FIG4: variants seen among roughly 807,000 people sequenced by gnomAD.
The protein encoded by FIG4 is polyphosphoinositide phosphatase.
In FIG4, 112 loss-of-function variants were observed where a neutral mutation model predicts 118.6. That is an observed-to-expected ratio of 0.94 (90% confidence interval 0.81 to 1.11). FIG4 has a LOEUF of 1.11. Ranked by LOEUF, FIG4 falls within the 50% of genes least tolerant of loss-of-function variation. The probability of loss-of-function intolerance (pLI) is 0.00; values close to 1 mark genes in which losing one functional copy is unlikely to be tolerated. For synonymous variants in FIG4, 369 were observed against 381.2 expected (o/e 0.97, Z 0.37); for missense variants, 969 against 1,111.7 (o/e 0.87, Z 1.83).
At chr6:109,746,848 A>G (rs1776515832) in intron 10 of FIG4, among the ~76,000 whole-genome samples, 1 of 152,126 alleles carries the variant, frequency 6.6e-6, no homozygotes, top group African/African-American at 2.4e-5. Flanking sequence ...AGAGGTGATT[A>G]TGCCTTAAAC....
At chr6:109,757,584 T>C (rs1437593686) in intron 10 of FIG4, among the ~76,000 whole-genome samples, 1 of 152,152 alleles carries the variant, frequency 6.6e-6, no homozygotes, top group Non-Finnish European at 1.5e-5. Flanking sequence ...ACCACTCCTC[T>C]TCAACATGGT....
intron 2 of FIG4, among the ~76,000 whole-genome samples, chr6:109,715,979 A>G (rs1187592384): frequency 6.6e-6 from 1 of 152,208 alleles, no homozygotes; most frequent in Non-Finnish European, 1.5e-5. Flanking sequence ...CCTGGGGTCC[A>G]TTCTGCTCCC....
intron 15 of FIG4, among the ~76,000 whole-genome samples, chr6:109,770,571 A>G (rs546658400): frequency 4.9e-4 from 74 of 152,206 alleles, no homozygotes; most frequent in African/African-American, 1.8e-3. Flanking sequence ...GAATTGGCCC[A>G]TGATTTTGCA....
intron 17 of FIG4, chr6:109,785,636 T>G (rs1311488088): frequency 2.1e-6 from 1 of 470,218 alleles, no homozygotes; most frequent in East Asian, 6.9e-5. Context: ...CTAACTCCCC[T>G]GACCTTGAGC....
rs770313840 is a variant in FIG4, at chr6:109,735,142, G to T, written c.498-8G>T. Reference sequence around the variant, plus strand: ...GTAATTCTTATTAAGTTTCAATTCTGTTCTCAGTTACAGCTATGATTTGTC... The same window carrying T: ...GTAATTCTTATTAAGTTTCAATTCTTTTCTCAGTTACAGCTATGATTTGTC... On this transcript the variant is annotated splice_region_variant and splice_polypyrimidine_tract_variant and intron_variant, in intron 5 of 22. Transcript: ENST00000230124. 6.2e-7 allele frequency: 1 copy of T among 1,610,680 alleles called. No homozygotes were observed. Among genetic ancestry groups the T allele is most frequent in the Admixed American group, 1.7e-5 (1 of 59,928 alleles).
At chr6:109,784,625 C>CAGAGTAAGTA (rs1157772560) in intron 16 of FIG4, among the ~76,000 whole-genome samples, 1 of 152,208 alleles carries the variant, frequency 6.6e-6, no homozygotes, top group East Asian at 1.9e-4. Flanking sequence ...TCACTGTAGG[C>CAGAGTAAGTA]ACAGTCCCTG....
At chr6:109,782,477 G>C (rs576327447) in intron 16 of FIG4, among the ~76,000 whole-genome samples, 1 of 152,242 alleles carries the variant, frequency 6.6e-6, no homozygotes, top group East Asian at 1.9e-4. Context: ...TTATGGCCTG[G>C]TCTTAAATCA....
At chr6:109,703,956 C>T (rs1053431814) in intron 1 of FIG4, among the ~76,000 whole-genome samples, 3 of 152,220 alleles carry the variant, frequency 2.0e-5, no homozygotes, top group Non-Finnish European at 4.4e-5. Context: ...TTTGGGCTCT[C>T]GTCACTCTCC....
intron 22 of FIG4, among the ~76,000 whole-genome samples, chr6:109,815,104 G>A (rs1191977527): frequency 2.0e-5 from 3 of 152,024 alleles, no homozygotes; most frequent in Non-Finnish European, 4.4e-5. Flanking sequence ...AGGGTATCCA[G>A]GGTTTATTCT....
rs9885672 is a variant in FIG4 at position 109,786,314 on chromosome 6, T to C, written c.1961T>C (p.Val654Ala). Reference sequence around the variant, plus strand: ...GTATCTCTCTTAGTTATCTGTGCTGTGAACTTAAAGAAGTTGATAGTGAAG... The same window carrying C: ...GTATCTCTCTTAGTTATCTGTGCTGCGAACTTAAAGAAGTTGATAGTGAAG... ...PLPYDEVICA[V>A]NLKKLIVKKF... Residue 654 changes from valine (V) to alanine (A), a missense_variant, in exon 18 of 23, where the codon GTG becomes GCG. Transcript: ENST00000230124. The C allele has an allele frequency of 0.21, 338,959 of 1,610,604 alleles. 51,283 individuals are homozygous for C. The highest frequency in any genetic ancestry group is 0.7 in the African/African-American group (52,266 of 74,792).
intron 18 of FIG4, among the ~76,000 whole-genome samples, chr6:109,787,049 G>T (rs749102494): frequency 1.3e-4 from 20 of 152,212 alleles, no homozygotes; most frequent in Non-Finnish European, 2.4e-4. Flanking sequence ...ATTTGAGGAA[G>T]CAGTATTCAT....
intron 1 of FIG4, among the ~76,000 whole-genome samples, chr6:109,712,246 C>G (rs116778647): frequency 0.014 from 2,120 of 152,260 alleles, 53 homozygotes; most frequent in African/African-American, 0.048. Context: ...GGATGATCTT[C>G]TAGTGAGTAT....
In FIG4 at chr6:109,773,705, C is replaced by A. The variant is rs561791746; in HGVS notation, c.1751-3217C>A. 7.2e-5 allele frequency among the ~76,000 whole-genome samples: 11 copies of A among 152,236 alleles called. No individual in the cohort carries two copies. The South Asian group carries it at 2.3e-3, about 32-fold the overall frequency. ...TTTGTTTGTTTGAGTGAAGTCTTAC[C>A]CTGCCACCCAGATTGGAGTGCAGTG... On this transcript the variant is annotated intron_variant, in intron 15 of 22. Coordinates refer to ENST00000230124, the MANE Select transcript of FIG4 (RefSeq NM_014845.6).
intron 1 of FIG4, among the ~76,000 whole-genome samples, chr6:109,704,548 A>G (rs1432351063): frequency 6.6e-6 from 1 of 151,990 alleles, no homozygotes; most frequent in East Asian, 1.9e-4. Flanking sequence ...CACGTCTGTA[A>G]TCCCAGCTAC....
At chr6:109,716,892 G>GC (rs1183128146) in intron 3 of FIG4, among the ~76,000 whole-genome samples, 3 of 152,042 alleles carry the variant, frequency 2.0e-5, no homozygotes, top group African/African-American at 7.2e-5. Flanking sequence ...CATCCACCCT[G>GC]CCATTCGTCA....
rs769813337 is a variant in FIG4 at position 109,825,181 on chromosome 6, C to T, written c.2640C>T (p.Ile880=). 1.2e-6 allele frequency: 2 copies of T among 1,614,092 alleles called. No individual in the cohort carries two copies. Among genetic ancestry groups the T allele is most frequent in the East Asian group, 4.5e-5 (2 of 44,878 alleles). ...RKSTEIFQAH[I]QASQGIMQPL... ...CTACAGAGATCTTCCAAGCCCACATCCAGGCCAGCCAAGGTATCATGCAGC... is the reference window on the plus strand; with the variant it reads ...CTACAGAGATCTTCCAAGCCCACATTCAGGCCAGCCAAGGTATCATGCAGC... The change falls in exon 23 of 23, where the codon ATC becomes ATT. Residue 880 remains isoleucine, a synonymous_variant. Coordinates refer to ENST00000230124, the MANE Select transcript of FIG4 (RefSeq NM_014845.6).
In FIG4 at chr6:109,727,730, T is replaced by C. The variant is rs141351688; in HGVS notation, c.446+465T>C. On this transcript the variant is annotated intron_variant, in intron 4 of 22. Coordinates refer to ENST00000230124, the MANE Select transcript of FIG4 (RefSeq NM_014845.6). ...ACCAATAATGAGACGAAACTGACATTGTTTGACTCTCAGTGGGAAGGACAC... is the reference window on the plus strand; with the variant it reads ...ACCAATAATGAGACGAAACTGACATCGTTTGACTCTCAGTGGGAAGGACAC... Among the ~76,000 whole-genome samples, 289 of 152,286 alleles carry C rather than the reference T, an allele frequency of 1.9e-3. 1 individual carries two copies. The highest frequency in any genetic ancestry group is 3.4e-3 in the Non-Finnish European group (234 of 68,010).
chr6:109,700,642 T>C, intron 1 of FIG4, among the ~76,000 whole-genome samples: 1 of 152,188 alleles, frequency 6.6e-6, no homozygotes, highest in East Asian at 1.9e-4. Flanking sequence ...AATCCAAAAT[T>C]TTTTTGGACA....
chr6:109,786,571 C>T, intron 18 of FIG4, 122 bp downstream of exon 18: 1 of 960,314 alleles, frequency 1.0e-6, no homozygotes, highest in South Asian at 1.3e-5. Context: ...GGGTAGTCCA[C>T]CTTTGAATAC....
Sources: gnomAD v4.1 joint callset for allele counts (sites outside exome capture counted in the v4.1 genomes callset) on GRCh38, gnomAD v4.1.1 for gene constraint, MANE v1.5 for transcripts, NCBI Gene and HGNC (gene_info 2026-07-23, HGNC 2026-07-21) for gene names.